The following HNRNPR variants were observed in gnomAD, a reference collection of about 807,000 sequenced individuals.
HNRNPR encodes the protein heterogeneous nuclear ribonucleoprotein R.
A neutral mutation model predicts 70.3 loss-of-function variants in HNRNPR; 4 were observed. The observed-to-expected ratio is 0.06, with a 90% CI of 0.03 to 0.13. The LOEUF is 0.13. Among genes scored for constraint, HNRNPR ranks in the 10% least tolerant of loss-of-function variants. HNRNPR has a pLI of 1.00. For missense variants in HNRNPR, 423 were observed against 788.5 expected, an observed-to-expected ratio of 0.54 and a Z score of 5.55; for synonymous variants, 241 against 267.6, an observed-to-expected ratio of 0.90 and a Z score of 0.97.
chr1:23,330,302 C>T (rs976789794), intron 5 of HNRNPR, among the ~76,000 whole-genome samples: 7 of 138,546 alleles, frequency 5.1e-5, no homozygotes, highest in African/African-American at 2.4e-4. Flanking sequence ...TTTGGGAGGC[C>T]GAGGCGGGTG....
At chr1:23,311,583 A>G (rs1021779922) in intron 9 of HNRNPR, 5 of 281,876 alleles carry the variant, frequency 1.8e-5, no homozygotes, top group Non-Finnish European at 3.3e-5. Flanking sequence ...AAAAGGTAAA[A>G]GGGCTGCCAC....
chr1:23,316,667 A>G (rs1267939739), intron 8 of HNRNPR, among the ~76,000 whole-genome samples: 2 of 152,230 alleles, frequency 1.3e-5, no homozygotes, highest in Admixed American at 6.5e-5. Flanking sequence ...GGTAGATTCA[A>G]AGTTGTGGTG....
rs1645280691 is a variant in HNRNPR at position 23,310,308 on chromosome 1, T to C, written c.*146A>G. 4.1e-6 allele frequency: 3 copies of C among 738,852 alleles called. No individual in the cohort carries two copies. The highest frequency in any genetic ancestry group is 5.0e-5 in the Admixed American group (2 of 39,814). 45.8% of individuals were successfully genotyped at this position (738,852 alleles called of 1,614,324 possible). On this transcript the variant is annotated 3_prime_UTR_variant, in exon 11 of 11. Coordinates refer to ENST00000302271, the MANE Select transcript of HNRNPR (RefSeq NM_005826.5). This position sits in a 1 kb window ranked among gnomAD's most constrained non-coding sequence, Gnocchi z 6.0. ...GGAAAAATAAAAAGACTTGAGTATA[T>C]ACACAATAGTGATTTCTTCAGCCCA...
intron 6 of HNRNPR, among the ~76,000 whole-genome samples, chr1:23,323,208 T>C (rs1645827012): frequency 6.6e-6 from 1 of 152,220 alleles, no homozygotes; most frequent in African/African-American, 2.4e-5. Flanking sequence ...TTCATTATAC[T>C]TTAAGAATCC....
chr1:23,329,104 G>T (rs928643157), intron 5 of HNRNPR, among the ~76,000 whole-genome samples: 4 of 152,252 alleles, frequency 2.6e-5, no homozygotes, highest in Admixed American at 2.6e-4. Context: ...CTGGGCAAGA[G>T]TGAGATCTTG....
chr1:23,336,608 G>C (rs954683946), intron 4 of HNRNPR, among the ~76,000 whole-genome samples: 6 of 143,280 alleles, frequency 4.2e-5, no homozygotes, highest in African/African-American at 1.5e-4. Context: ...AAATTAGCTG[G>C]ATGTGGTGGC....
In HNRNPR at chr1:23,333,858, C is replaced by T. The variant is rs1026666760; in HGVS notation, c.385-227G>A. Among the ~76,000 whole-genome samples, 7 of 152,232 alleles carry T rather than the reference C, an allele frequency of 4.6e-5. No individual in the cohort carries two copies. In the East Asian group the frequency reaches 1.4e-3, roughly 29 times the overall value. ...TTAAAAAAATTAGCACAAGTCTTAC[C>T]TCCTTCATGCAGCTTCTCTCATTTA... is the stretch of plus-strand genomic sequence containing the variant. On this transcript the variant is annotated intron_variant, in intron 4 of 10. Coordinates refer to ENST00000302271, the MANE Select transcript of HNRNPR (RefSeq NM_005826.5).
Position 23,310,938 on chromosome 1 carries a change from T to C in HNRNPR, c.1418A>G (p.Asp473Gly), listed in dbSNP as rs766767348. The change falls in exon 11 of 11, where the codon GAT (aspartate) becomes GGT (glycine). Residue 473 changes from aspartate to glycine, a missense_variant. Coordinates refer to ENST00000302271, the MANE Select transcript of HNRNPR (RefSeq NM_005826.5). The surrounding 1 kb of genome is among the most constrained non-coding windows in gnomAD (Gnocchi z 6.0). ...DYYGYEDYYD[D>G]YYGYDYHDYR... ...GTCGTGATAATCATAACCATAGTAA[T>C]CATCATAGTAATCTTCATAGCCGTA... is the stretch of plus-strand genomic sequence containing the variant. 6.2e-7 allele frequency: 1 copy of C among 1,614,048 alleles called. No homozygotes were observed. Among genetic ancestry groups the C allele is most frequent in the South Asian group, 1.1e-5 (1 of 91,076 alleles).
intron 5 of HNRNPR, 58 bp from the exon 6 acceptor site, chr1:23,323,790 A>G: frequency 7.0e-7 from 1 of 1,419,928 alleles, no homozygotes; most frequent in Non-Finnish European, 9.9e-7. Flanking sequence ...AGAGCCATAA[A>G]GCCTACTGCC....
intron 9 of HNRNPR, among the ~76,000 whole-genome samples, chr1:23,313,279 C>T (rs1224227976): frequency 6.6e-6 from 1 of 152,040 alleles, no homozygotes; most frequent in Non-Finnish European, 1.5e-5. Context: ...ATTTTTATAC[C>T]TTGTAATACT....
intron 8 of HNRNPR, among the ~76,000 whole-genome samples, 193 bp from the exon 9 acceptor site, chr1:23,313,895 C>A (rs1014743685): frequency 1.3e-5 from 2 of 152,054 alleles, no homozygotes; most frequent in Admixed American, 6.5e-5. Context: ...TTATTGGTTC[C>A]TGCCTTCTCC....
chr1:23,325,468 AT>A (rs1645934558), intron 5 of HNRNPR, among the ~76,000 whole-genome samples: 1 of 152,138 alleles, frequency 6.6e-6, no homozygotes, highest in African/African-American at 2.4e-5. Flanking sequence ...CCTTGGCATG[AT>A]TCTCACACAA....
intron 4 of HNRNPR, among the ~76,000 whole-genome samples, chr1:23,336,651 G>A (rs1646501538): frequency 6.7e-6 from 1 of 149,564 alleles, no homozygotes; most frequent in Non-Finnish European, 1.5e-5. Context: ...TCAGGAGGCT[G>A]AGGCAGGAGA....
chr1:23,333,319 TAA>T (rs1646321775), intron 5 of HNRNPR, among the ~76,000 whole-genome samples, 197 bp downstream of exon 5: 1 of 152,242 alleles, frequency 6.6e-6, no homozygotes, highest in Admixed American at 6.5e-5. Context: ...TATTCCTATA[TAA>T]AGTGTTCGGG....
chr1:23,311,163 C>T (rs775897066), intron 10 of HNRNPR, 38 bp downstream of exon 10: 1 of 1,612,200 alleles, frequency 6.2e-7, no homozygotes, highest in Non-Finnish European at 8.5e-7. Flanking sequence ...TCACGTTATT[C>T]CTTGTCCAAA....
In HNRNPR at chr1:23,310,385, T is replaced by C. The variant is rs1645283154; in HGVS notation, c.*69A>G. On this transcript the variant is annotated 3_prime_UTR_variant, in exon 11 of 11. Coordinates refer to ENST00000302271, the MANE Select transcript of HNRNPR (RefSeq NM_005826.5). This position sits in a 1 kb window ranked among gnomAD's most constrained non-coding sequence, Gnocchi z 6.0. ...AAAGATGAAACAGTTAAGCCAATTT[T>C]TTTTTTTGAAGAATGTAGATCTAGA... is the stretch of plus-strand genomic sequence containing the variant. 6.8e-7 allele frequency: 1 copy of C among 1,463,448 alleles called. No individual in the cohort carries two copies. Among genetic ancestry groups the C allele is most frequent in the Non-Finnish European group, 9.1e-7 (1 of 1,098,836 alleles). 90.7% of individuals were successfully genotyped at this position (1,463,448 alleles called of 1,614,324 possible). A position where few individuals can be genotyped will look rare whatever the true frequency, so the allele number is the denominator to read the frequency against.
intron 5 of HNRNPR, among the ~76,000 whole-genome samples, chr1:23,328,414 A>C (rs190526330): frequency 1.7e-4 from 26 of 152,368 alleles, no homozygotes; most frequent in African/African-American, 5.5e-4. Flanking sequence ...GAAGGTGGTA[A>C]GAATGTGAGC....
intron 1 of HNRNPR, among the ~76,000 whole-genome samples, chr1:23,341,648 A>C (rs1218491304): frequency 6.6e-6 from 1 of 152,196 alleles, no homozygotes; most frequent in African/African-American, 2.4e-5. Context: ...AAAAATGACC[A>C]AGTTTAAAAG....
At position 23,305,469 on chromosome 1, in the gene HNRNPR, A is replaced by T. The variant is rs1034788008; in HGVS notation, c.*4985T>A. On this transcript the variant is annotated 3_prime_UTR_variant, in exon 11 of 11. Coordinates refer to ENST00000302271, the MANE Select transcript of HNRNPR (RefSeq NM_005826.5). ...ATTTAACATCTAGGAAAGTCTTTCTAGACTGATATTCTCAACCAATAAAGA... is the reference window on the plus strand; with the variant it reads ...ATTTAACATCTAGGAAAGTCTTTCTTGACTGATATTCTCAACCAATAAAGA... The T allele has an allele frequency of 3.9e-5, 6 of 152,204 alleles. No individual in the cohort carries two copies. The highest frequency in any genetic ancestry group is 7.4e-5 in the Non-Finnish European group (5 of 68,016). The allele number at this position is 152,204 out of a possible 1,614,324, so 9.4% of individuals were successfully genotyped here. A position where few individuals can be genotyped will look rare whatever the true frequency, so the allele number is the denominator to read the frequency against.
Sources: allele counts gnomAD v4.1 joint callset (sites outside exome capture counted in the v4.1 genomes callset), GRCh38; gene constraint gnomAD v4.1.1; non-coding constraint Gnocchi (gnomAD v3.1); transcripts MANE v1.5; gene names NCBI Gene and HGNC (gene_info 2026-07-23, HGNC 2026-07-21).